The following CUX2 variants were observed in gnomAD, a reference collection of about 807,000 sequenced individuals.
The protein encoded by CUX2 is cut like homeobox 2.
A neutral mutation model predicts 144.8 loss-of-function variants in CUX2; 40 were observed. That is an observed-to-expected ratio of 0.28 (90% confidence interval 0.21 to 0.36). CUX2 has a LOEUF of 0.36. Among genes scored for constraint, CUX2 ranks in the 10% least tolerant of loss-of-function variants. The probability of loss-of-function intolerance (pLI) is 1.00; values close to 1 mark genes in which losing one functional copy is unlikely to be tolerated. For synonymous variants in CUX2, 827 were observed against 875.6 expected (o/e 0.94, Z 0.98); for missense variants, 1,615 against 1,994.0 (o/e 0.81, Z 3.62).
chr12:111,142,116 G>A (rs1428985655), intron 1 of CUX2, among the ~76,000 whole-genome samples: 1 of 152,110 alleles, frequency 6.6e-6, no homozygotes, highest in Non-Finnish European at 1.5e-5. Context: ...CTGGGGGCAG[G>A]GCAATGGAAT....
At chr12:111,280,225 G>A (rs1368826123) in intron 4 of CUX2, among the ~76,000 whole-genome samples, 1 of 152,200 alleles carries the variant, frequency 6.6e-6, no homozygotes, top group Non-Finnish European at 1.5e-5. Flanking sequence ...GGAGACGGAG[G>A]TTGCAGTGAG....
chr12:111,334,295 G>T (rs1297593793), intron 18 of CUX2, 146 bp from the exon 19 acceptor site: 1 of 743,176 alleles, frequency 1.3e-6, no homozygotes, highest in Non-Finnish European at 2.2e-6. Context: ...TTAGCATCCA[G>T]GGTGGTCCCT....
chr12:111,100,901 C>T (rs1439985363), intron 1 of CUX2, among the ~76,000 whole-genome samples: 2 of 152,188 alleles, frequency 1.3e-5, no homozygotes, highest in Admixed American at 1.3e-4. Context: ...GCTCAGCTTG[C>T]CACCAAGGAG....
chr12:111,037,391 T>C lies in CUX2; in HGVS notation c.63+3151T>C, dbSNP rs1869513615. Reference sequence around the variant, plus strand: ...CGGTGTCCAGCCCTCCGGAAACGTATATTTTTCAAAAATGGAAGCGTTCCA... The same window carrying C: ...CGGTGTCCAGCCCTCCGGAAACGTACATTTTTCAAAAATGGAAGCGTTCCA... On this transcript the variant is annotated intron_variant, in intron 1 of 21. Coordinates refer to ENST00000261726, the MANE Select transcript of CUX2 (RefSeq NM_015267.4). This position sits in a 1 kb window ranked among gnomAD's most constrained non-coding sequence, Gnocchi z 5.4. Among the ~76,000 whole-genome samples the C allele has an allele frequency of 6.6e-6, 1 of 152,228 alleles. No homozygotes were observed. Among genetic ancestry groups the C allele is most frequent in the South Asian group, 2.1e-4 (1 of 4,828 alleles).
chr12:111,334,470 T>TCCCCACCC lies in CUX2; in HGVS notation c.2960_2967dup (p.Ser990HisfsTer16). The TCCCCACCC allele has an allele frequency of 6.2e-7, 1 of 1,606,954 alleles. No homozygotes were observed. The highest frequency in any genetic ancestry group is 1.7e-5 in the Admixed American group (1 of 58,826). ...TCCCACAGAACCAAGGTCCTCACCA[T>TCCCCACCC]CCCCACCCCCCAGCCCCACAGAGCC... On this transcript the variant is annotated frameshift_variant, in exon 19 of 22. Transcript: ENST00000261726. LOFTEE classifies it high-confidence loss of function.
Position 111,257,849 on chromosome 12 carries a change from G to A in CUX2, c.223-5912G>A, listed in dbSNP as rs574607624. 4.6e-5 allele frequency among the ~76,000 whole-genome samples: 7 copies of A among 151,734 alleles called. No homozygotes were observed. In the East Asian group the frequency reaches 5.9e-4, roughly 13 times the overall value. On this transcript the variant is annotated intron_variant, in intron 3 of 21. Transcript: ENST00000261726. Reference sequence around the variant, plus strand: ...CCTTCAAGGGTGTTCCTGTCATAGGGCAAATCTGTCATTCTGGGCACTTTG... The same window carrying A: ...CCTTCAAGGGTGTTCCTGTCATAGGACAAATCTGTCATTCTGGGCACTTTG...
chr12:111,334,373 G>A, intron 18 of CUX2, 68 bp from the exon 19 acceptor site: 1 of 1,493,910 alleles, frequency 6.7e-7, no homozygotes, highest in Non-Finnish European at 9.0e-7. Flanking sequence ...TAAGAAGCAA[G>A]CCTCCCGAAA....
intron 4 of CUX2, among the ~76,000 whole-genome samples, chr12:111,278,717 G>A (rs865892976): frequency 6.6e-6 from 1 of 152,134 alleles, no homozygotes; most frequent in East Asian, 1.9e-4. Context: ...TCTGAGAAAC[G>A]TTTTCCAAAC....
intron 1 of CUX2, among the ~76,000 whole-genome samples, chr12:111,162,257 C>T (rs533964620): frequency 1.3e-5 from 2 of 152,360 alleles, no homozygotes; most frequent in East Asian, 3.9e-4. Context: ...GTGAAAGTCT[C>T]TGTTCCCCTA....
intron 1 of CUX2, among the ~76,000 whole-genome samples, chr12:111,045,065 T>C (rs1411691477): frequency 1.3e-5 from 2 of 152,226 alleles, no homozygotes; most frequent in East Asian, 3.8e-4. Flanking sequence ...GTGAGATGGC[T>C]GTCATCCAGG....
At chr12:111,306,048 G>A (rs1245922964) in intron 10 of CUX2, among the ~76,000 whole-genome samples, 1 of 152,138 alleles carries the variant, frequency 6.6e-6, no homozygotes, top group Non-Finnish European at 1.5e-5. Flanking sequence ...ACAGGAGAGA[G>A]AGGCTGTGTG....
In CUX2 at chr12:111,171,975, CTG is replaced by C. The variant is rs199968048; in HGVS notation, c.64-42214_64-42213del. ...TGTGTGTGCGTGCATGTGCATGCAC[CTG>C]TGTGTGTGTGCATGTGCCTGTGTGT... On this transcript the variant is annotated intron_variant, in intron 1 of 21. Coordinates refer to ENST00000261726, the MANE Select transcript of CUX2 (RefSeq NM_015267.4). This position sits in a 1 kb window ranked among gnomAD's most constrained non-coding sequence, Gnocchi z 5.0. 2.9e-4 allele frequency among the ~76,000 whole-genome samples: 44 copies of C among 151,324 alleles called. No individual in the cohort carries two copies. The highest frequency in any genetic ancestry group is 8.5e-4 in the African/African-American group (35 of 41,062).
rs766161118 is a variant in CUX2, at chr12:111,295,302, G to A, written c.561-31G>A. The A allele has an allele frequency of 3.1e-6, 5 of 1,606,816 alleles. No homozygotes were observed. The South Asian group carries it at 5.6e-5, about 18-fold the overall frequency. ...GCCCCAGGCAAGGCCTGTCCCTGCAGCCAGCACAAGCAGGCCTCGTCTCTC... is the reference window on the plus strand; with the variant it reads ...GCCCCAGGCAAGGCCTGTCCCTGCAACCAGCACAAGCAGGCCTCGTCTCTC... On this transcript the variant is annotated intron_variant, in intron 6 of 21. Transcript: ENST00000261726. The surrounding 1 kb of genome is among the most constrained non-coding windows in gnomAD (Gnocchi z 5.0).
At chr12:111,100,584 C>A (rs568391527) in intron 1 of CUX2, among the ~76,000 whole-genome samples, 1 of 152,020 alleles carries the variant, frequency 6.6e-6, no homozygotes, top group Non-Finnish European at 1.5e-5. Flanking sequence ...GGTATGCATG[C>A]GTGTGTGTAA....
At chr12:111,192,315 A>C (rs1432912257) in intron 1 of CUX2, among the ~76,000 whole-genome samples, 1 of 151,820 alleles carries the variant, frequency 6.6e-6, no homozygotes, top group Non-Finnish European at 1.5e-5. Flanking sequence ...TTTTTAGTAG[A>C]GATGGGGTTT....
At chr12:111,134,140 C>T (rs2136113194) in intron 1 of CUX2, among the ~76,000 whole-genome samples, 2 of 152,320 alleles carry the variant, frequency 1.3e-5, no homozygotes, top group Admixed American at 1.3e-4. Flanking sequence ...ATTTATGTGG[C>T]ACTTGAGCTG....
chr12:111,293,415 A>G lies in CUX2; in HGVS notation c.437-31A>G. The G allele has an allele frequency of 2.5e-6, 4 of 1,588,826 alleles. No individual in the cohort carries two copies. Among genetic ancestry groups the G allele is most frequent in the Non-Finnish European group, 2.6e-6 (3 of 1,168,678 alleles). ...TGGCTGCCACGTTGCTCTCTTGGCA[A>G]TGGGGGTTTTCCCTCTTTTTCTCCC... On this transcript the variant is annotated intron_variant, in intron 5 of 21. Coordinates refer to ENST00000261726, the MANE Select transcript of CUX2 (RefSeq NM_015267.4). The surrounding 1 kb of genome is among the most constrained non-coding windows in gnomAD (Gnocchi z 4.5).
At chr12:111,259,539 A>C (rs1042931349) in intron 3 of CUX2, among the ~76,000 whole-genome samples, 9 of 152,234 alleles carry the variant, frequency 5.9e-5, no homozygotes, top group African/African-American at 2.2e-4. Context: ...CACATTTGTA[A>C]TTTAAAATTT....
intron 9 of CUX2, among the ~76,000 whole-genome samples, chr12:111,302,188 A>G (rs1196925332): frequency 6.6e-6 from 1 of 152,212 alleles, no homozygotes; most frequent in Non-Finnish European, 1.5e-5. Flanking sequence ...CTGATTGTCC[A>G]GGTCATTATG....
Sources: allele counts gnomAD v4.1 joint callset (sites outside exome capture counted in the v4.1 genomes callset), GRCh38; gene constraint gnomAD v4.1.1; non-coding constraint Gnocchi (gnomAD v3.1); transcripts MANE v1.5; gene names NCBI Gene and HGNC (gene_info 2026-07-23, HGNC 2026-07-21).